The following CTNNA3 variants were observed in gnomAD, a reference collection of about 807,000 sequenced individuals.
CTNNA3 encodes catenin alpha 3.
Under a neutral mutation model 95.7 loss-of-function variants are expected in CTNNA3, and 76 were observed. That is an observed-to-expected ratio of 0.79 (90% CI 0.66 to 0.96). The LOEUF (loss-of-function observed/expected upper bound fraction) is 0.96. Among genes scored for constraint, CTNNA3 ranks in the 40% least tolerant of loss-of-function variants. The pLI is 0.00. For synonymous variants in CTNNA3, 431 were observed against 374.4 expected (o/e 1.15, Z -1.74); for missense variants, 1,191 against 1,089.8 (o/e 1.09, Z -1.31).
chr10:66,797,203 G>A (rs1841235579), intron 7 of CTNNA3, among the ~76,000 whole-genome samples: 1 of 151,598 alleles, frequency 6.6e-6, no homozygotes, highest in South Asian at 2.1e-4. Context: ...CCAACTAAAG[G>A]TCTACTACAG....
chr10:67,742,502 G>C (rs1841346338), intron 1 of CTNNA3, among the ~76,000 whole-genome samples: 1 of 151,152 alleles, frequency 6.6e-6, no homozygotes. Flanking sequence ...ATTCAAGGCA[G>C]TGTGTGGAGG....
intron 5 of CTNNA3, among the ~76,000 whole-genome samples, chr10:67,397,894 CTGTGGGTGCACAG>C (rs962896424): frequency 1.5e-4 from 23 of 152,230 alleles, no homozygotes; most frequent in Non-Finnish European, 2.9e-4. Flanking sequence ...GGTGTTGAGC[CTGTGGGTGCACAG>C]AAGTCAAAAA....
intron 9 of CTNNA3, among the ~76,000 whole-genome samples, chr10:66,664,872 G>C (rs1464427157): frequency 7.4e-6 from 1 of 135,722 alleles, no homozygotes; most frequent in Non-Finnish European, 1.5e-5. Context: ...GGCTGAATAT[G>C]AGTCAGCTGA....
intron 3 of CTNNA3, among the ~76,000 whole-genome samples, chr10:67,555,739 C>A (rs1317752781): frequency 2.0e-5 from 3 of 152,052 alleles, no homozygotes; most frequent in African/African-American, 7.2e-5. Context: ...AATTGAATAC[C>A]CTTTATTTCT....
chr10:67,673,160 T>C (rs1840471681), intron 1 of CTNNA3, among the ~76,000 whole-genome samples: 1 of 149,194 alleles, frequency 6.7e-6, no homozygotes, highest in Non-Finnish European at 1.5e-5. Context: ...GGCTCTCTGT[T>C]TGTCTGTTAT....
chr10:67,729,975 A>C (rs1405950941), intron 1 of CTNNA3, among the ~76,000 whole-genome samples: 2 of 152,316 alleles, frequency 1.3e-5, no homozygotes, highest in East Asian at 3.9e-4. Context: ...AACACTGTAC[A>C]AAAGAAAAAA....
chr10:67,045,417 TTTG>T (rs1218942642), intron 7 of CTNNA3, among the ~76,000 whole-genome samples: 2 of 152,140 alleles, frequency 1.3e-5, no homozygotes, highest in Non-Finnish European at 2.9e-5. Context: ...TGTTGGTTTT[TTTG>T]TTGTTGTTGT....
At chr10:66,404,646 A>G (rs2093043810) in intron 11 of CTNNA3, among the ~76,000 whole-genome samples, 1 of 152,228 alleles carries the variant, frequency 6.6e-6, no homozygotes, top group South Asian at 2.1e-4. Context: ...ATACATTCAC[A>G]TAAGATGTTT....
chr10:66,963,660 G>A (rs945688447), intron 7 of CTNNA3, among the ~76,000 whole-genome samples: 2 of 152,020 alleles, frequency 1.3e-5, no homozygotes, highest in Non-Finnish European at 1.5e-5. Flanking sequence ...TTCAGGGTAA[G>A]GTATAGAGGG....
rs367757886 is a variant in CTNNA3, at chr10:66,095,725, G to A, written c.1977+7432C>T. On this transcript the variant is annotated intron_variant, in intron 14 of 17. Coordinates refer to ENST00000433211, the MANE Select transcript of CTNNA3 (RefSeq NM_013266.4). ...CATTTTTTTTACACTAAGAACCATC[G>A]CAAGTATTTTAAGATTTGATATGCT... 2.2e-3 allele frequency among the ~76,000 whole-genome samples: 336 copies of A among 151,978 alleles called. 1 individual carries two copies. Among genetic ancestry groups the A allele is most frequent in the African/African-American group, 7.7e-3 (318 of 41,448 alleles).
chr10:66,208,934 C>A (rs2087940321), intron 13 of CTNNA3, among the ~76,000 whole-genome samples: 1 of 151,942 alleles, frequency 6.6e-6, no homozygotes. Context: ...TGCATCCCAC[C>A]AAAACCATCC....
chr10:67,284,686 T>A (rs1451367658), intron 5 of CTNNA3, among the ~76,000 whole-genome samples: 3 of 152,172 alleles, frequency 2.0e-5, no homozygotes, highest in Non-Finnish European at 4.4e-5. Flanking sequence ...CAGGGTAATA[T>A]TTGCACTTGG....
chr10:66,451,848 C>T (rs10997135), intron 11 of CTNNA3, among the ~76,000 whole-genome samples: 17,846 of 152,192 alleles, frequency 0.12, 1,516 homozygotes, highest in African/African-American at 0.24. Flanking sequence ...ACTTCCTAAG[C>T]ATCCCGACAG....
chr10:66,396,521 C>T (rs909061703), intron 11 of CTNNA3, among the ~76,000 whole-genome samples: 1 of 151,984 alleles, frequency 6.6e-6, no homozygotes, highest in African/African-American at 2.4e-5. Flanking sequence ...CCTTAGGCTT[C>T]TGACATGTAT....
chr10:67,230,199 C>A (rs946492486), intron 5 of CTNNA3, among the ~76,000 whole-genome samples: 10 of 152,056 alleles, frequency 6.6e-5, no homozygotes, highest in African/African-American at 2.4e-4. Context: ...TTTCACAAAG[C>A]AAACAAAAAC....
chr10:67,669,233 A>G (rs2133546534), intron 1 of CTNNA3, among the ~76,000 whole-genome samples: 1 of 152,332 alleles, frequency 6.6e-6, no homozygotes, highest in Non-Finnish European at 1.5e-5. Context: ...TAGGTTAGGT[A>G]TGCTAAGTTT....
At chr10:66,621,546 T>A (rs1844747096) in intron 10 of CTNNA3, 146 bp downstream of exon 10, 2 of 491,684 alleles carry the variant, frequency 4.1e-6, no homozygotes, top group Non-Finnish European at 7.2e-6. Flanking sequence ...CAGTCGAGAT[T>A]GCGCCACTGC....
At chr10:67,657,963 G>A (rs371351353) in intron 1 of CTNNA3, among the ~76,000 whole-genome samples, 156 of 152,060 alleles carry the variant, frequency 1.0e-3, no homozygotes, top group Non-Finnish European at 1.8e-3. Context: ...GCCCAGCAGA[G>A]GGAGGGCTAG....
intron 5 of CTNNA3, among the ~76,000 whole-genome samples, chr10:67,397,749 C>A (rs1212564483): frequency 6.6e-6 from 1 of 152,080 alleles, no homozygotes; most frequent in Non-Finnish European, 1.5e-5. Flanking sequence ...GAGCCCAGGG[C>A]CCCCCTGCTG....
Sources: gnomAD v4.1 joint callset for allele counts (sites outside exome capture counted in the v4.1 genomes callset) on GRCh38, gnomAD v4.1.1 for gene constraint, MANE v1.5 for transcripts, NCBI Gene and HGNC (gene_info 2026-07-23, HGNC 2026-07-21) for gene names.